The following GGACT variants were observed in gnomAD, a reference collection of about 807,000 sequenced individuals.
The protein encoded by GGACT is gamma-glutamylamine cyclotransferase.
For missense variants in GGACT, 241 were observed against 233.2 expected, an observed-to-expected ratio of 1.03 and a Z score of -0.22; for synonymous variants, 118 against 115.3, an observed-to-expected ratio of 1.02 and a Z score of -0.15.
intron 2 of GGACT, among the ~76,000 whole-genome samples, chr13:100,579,346 C>T (rs1348665893): frequency 1.3e-5 from 2 of 152,166 alleles, no homozygotes; most frequent in Non-Finnish European, 2.9e-5. Flanking sequence ...TTGAGGGGTT[C>T]AGCAGCTCAG....
intron 1 of GGACT, among the ~76,000 whole-genome samples, chr13:100,588,291 T>C (rs1327654573): frequency 1.3e-5 from 2 of 152,240 alleles, no homozygotes; most frequent in Non-Finnish European, 2.9e-5. Context: ...GAGACGTTTT[T>C]AGATTTCTTT....
At chr13:100,550,117 T>A (rs1181957537) in intron 2 of GGACT, among the ~76,000 whole-genome samples, 2 of 151,820 alleles carry the variant, frequency 1.3e-5, no homozygotes, top group Non-Finnish European at 2.9e-5. Flanking sequence ...CTGCACAGAG[T>A]GGGTCCATCT....
intron 2 of GGACT, among the ~76,000 whole-genome samples, chr13:100,569,127 G>C (rs916317437): frequency 1.1e-4 from 17 of 152,338 alleles, no homozygotes; most frequent in African/African-American, 3.6e-4. Context: ...GCAAGCCATT[G>C]GTGGTTCCAC....
chr13:100,535,522 G>C (rs550420228), intron 2 of GGACT, among the ~76,000 whole-genome samples: 1 of 152,158 alleles, frequency 6.6e-6, no homozygotes, highest in Admixed American at 6.5e-5. Flanking sequence ...CTCAGAGACC[G>C]CGGTGGGTAC....
At chr13:100,566,063 G>A (rs1001832866) in intron 2 of GGACT, among the ~76,000 whole-genome samples, 5 of 152,324 alleles carry the variant, frequency 3.3e-5, no homozygotes, top group African/African-American at 1.2e-4. Flanking sequence ...AAAGGACCAA[G>A]GCATGCCAGC....
At chr13:100,570,317 T>C (rs985193007) in intron 2 of GGACT, among the ~76,000 whole-genome samples, 1 of 152,174 alleles carries the variant, frequency 6.6e-6, no homozygotes, top group Non-Finnish European at 1.5e-5. Context: ...GTGTTCAGCA[T>C]AGCTGAGGAG....
At chr13:100,540,890 G>A (rs2088546830) in intron 2 of GGACT, among the ~76,000 whole-genome samples, 1 of 152,218 alleles carries the variant, frequency 6.6e-6, no homozygotes, top group Non-Finnish European at 1.5e-5. Context: ...CCAGGCCCCT[G>A]GGCCGGGCTG....
At position 100,545,595 on chromosome 13, in the gene GGACT, G is replaced by T. The variant is rs2088597326; in HGVS notation, c.-10-12994C>A. On this transcript the variant is annotated intron_variant, in intron 2 of 2. Transcript: ENST00000683975. This position sits in a 1 kb window ranked among gnomAD's most constrained non-coding sequence, Gnocchi z 4.4. The stretch of plus-strand genomic sequence containing the variant: ...ACACCCTGGGCTGCCTGCCTGCCTG[G>T]CATGTGCCATGGAACTGGCACTCAG... 6.6e-6 allele frequency among the ~76,000 whole-genome samples: 1 copy of T among 152,260 alleles called. No individual in the cohort carries two copies. The highest frequency in any genetic ancestry group is 1.5e-5 in the Non-Finnish European group (1 of 68,050).
In GGACT at chr13:100,531,606, G is replaced by C. The variant is rs2088383640; in HGVS notation, c.*524C>G. ...ATTTAAATAATCTTTAATATTTGCT[G>C]TGAAGCTTGATCTGAAAATTAGGAA... On this transcript the variant is annotated 3_prime_UTR_variant, in exon 3 of 3. Coordinates refer to ENST00000683975, the MANE Select transcript of GGACT (RefSeq NM_001195087.2). 1 of 152,856 alleles carries C rather than the reference G, an allele frequency of 6.5e-6. No homozygotes were observed. Among genetic ancestry groups the C allele is most frequent in the African/African-American group, 2.4e-5 (1 of 41,480 alleles). The allele number at this position is 152,856 out of a possible 1,614,324, so 9.5% of individuals were successfully genotyped here.
At chr13:100,561,705 C>T (rs11842633) in intron 2 of GGACT, among the ~76,000 whole-genome samples, 147,401 of 152,294 alleles carry the variant, frequency 0.97, 71,426 homozygotes, top group Non-Finnish European at 0.99. Flanking sequence ...TGGGAGGGCC[C>T]GGGATGCCCT....
intron 2 of GGACT, among the ~76,000 whole-genome samples, chr13:100,582,813 G>A (rs1034146653): frequency 7.2e-5 from 11 of 152,092 alleles, no homozygotes; most frequent in South Asian, 6.2e-4. Context: ...GAAGCCAGGC[G>A]GTCTGACACA....
rs766605344 is a variant in GGACT, at chr13:100,532,328, G to C, written c.264C>G (p.Tyr88Ter). 61 of 1,550,212 alleles carry C rather than the reference G, an allele frequency of 3.9e-5. No homozygotes were observed. Among genetic ancestry groups the C allele is most frequent in the Non-Finnish European group, 3.4e-5 (39 of 1,146,484 alleles). Reference protein sequence around the residue: ...LDDFESCPALYQRTVLRVQLL... With the variant: ...LDDFESCPAL ...GCTGTACCCGCAGCACCGTGCGCTG[G>C]TACAGGGCCGGGCAACTCTCGAAGT... Residue 88 changes from tyrosine to a stop codon, truncating the protein, a stop_gained, in exon 3 of 3, where the codon TAC becomes TAG. Transcript: ENST00000683975. LOFTEE classifies it low-confidence loss of function (END_TRUNC).
At position 100,532,103 on chromosome 13, in the gene GGACT, A is replaced by G; in HGVS notation, c.*27T>C. The stretch of plus-strand genomic sequence containing the variant: ...GCATCTTGGAGCCCCAGGGCTCTCA[A>G]ACCTAGGCCCACCCTGCCCGTCCCC... On this transcript the variant is annotated 3_prime_UTR_variant, in exon 3 of 3. Transcript: ENST00000683975. 1 of 1,425,062 alleles carries G rather than the reference A, an allele frequency of 7.0e-7. No individual in the cohort carries two copies. Among genetic ancestry groups the G allele is most frequent in the Non-Finnish European group, 9.2e-7 (1 of 1,083,126 alleles). The allele number at this position is 1,425,062 out of a possible 1,614,324, so 88.3% of individuals were successfully genotyped here. A position where few individuals can be genotyped will look rare whatever the true frequency, so the allele number is the denominator to read the frequency against.
chr13:100,554,764 T>C (rs778976037), intron 2 of GGACT, among the ~76,000 whole-genome samples: 2 of 152,186 alleles, frequency 1.3e-5, no homozygotes, highest in Non-Finnish European at 2.9e-5. Context: ...TCGATAGTTA[T>C]TGAAACTGGG....
chr13:100,540,994 T>C (rs1566529819), intron 2 of GGACT, among the ~76,000 whole-genome samples: 1 of 152,308 alleles, frequency 6.6e-6, no homozygotes, highest in East Asian at 1.9e-4. Flanking sequence ...ACCATGCTAG[T>C]TTTTTGTTTG....
intron 2 of GGACT, among the ~76,000 whole-genome samples, chr13:100,553,788 G>A (rs748555727): frequency 7.4e-5 from 11 of 149,404 alleles, no homozygotes; most frequent in Non-Finnish European, 1.5e-4. Context: ...AGGTTGCAGT[G>A]AGCCAAGATC....
intron 2 of GGACT, among the ~76,000 whole-genome samples, chr13:100,582,499 G>A (rs537840935): frequency 2.0e-4 from 31 of 152,360 alleles, no homozygotes; most frequent in African/African-American, 6.7e-4. Context: ...GAGGTGCAGA[G>A]ATCAATCTGG....
At position 100,532,393 on chromosome 13, in the gene GGACT, C is replaced by T. The variant is rs967632317; in HGVS notation, c.199G>A (p.Val67Ile). The change falls in exon 3 of 3, where the codon GTC (valine) becomes ATC (isoleucine). Residue 67 changes from valine to isoleucine, a missense_variant. Physicochemically the swap from Val to Ile is conservative, Grantham distance 29. Coordinates refer to ENST00000683975, the MANE Select transcript of GGACT (RefSeq NM_001195087.2). ...AGCATCCGCTCGTCTACCGCGTAGA[C>T]CTCGCCCTCCACGAGGCGCCCCGAG... Reference protein sequence around the residue: ...PGSGRLVEGEVYAVDERMLRF... With the variant: ...PGSGRLVEGEIYAVDERMLRF... 3.9e-6 allele frequency: 6 copies of T among 1,550,370 alleles called. No homozygotes were observed. The South Asian group carries it at 7.1e-5, about 18-fold the overall frequency.
intron 2 of GGACT, among the ~76,000 whole-genome samples, chr13:100,553,057 G>A (rs557166118): frequency 6.6e-6 from 1 of 152,326 alleles, no homozygotes; most frequent in Admixed American, 6.5e-5. Context: ...CATGCCAGCA[G>A]GCAGGGCGAG....
Sources: allele counts gnomAD v4.1 joint callset (sites outside exome capture counted in the v4.1 genomes callset), GRCh38; gene constraint gnomAD v4.1.1; non-coding constraint Gnocchi (gnomAD v3.1); transcripts MANE v1.5; gene names NCBI Gene and HGNC (gene_info 2026-07-23, HGNC 2026-07-21).